The following PRKN variants were observed in gnomAD, a reference collection of about 807,000 sequenced individuals.
PRKN encodes the protein E3 ubiquitin-protein ligase parkin.
A neutral mutation model predicts 59.5 loss-of-function variants in PRKN; 56 were observed. The observed-to-expected ratio is 0.94, with a 90% confidence interval of 0.76 to 1.18. The LOEUF (loss-of-function observed/expected upper bound fraction) is 1.18. PRKN is among the 50% of genes most tolerant of loss of function. The pLI, the probability that PRKN is intolerant of heterozygous loss-of-function variation, is 0.00. For synonymous variants in PRKN, 250 were observed against 222.1 expected (o/e 1.13, Z -1.12); for missense variants, 657 against 596.4 (o/e 1.10, Z -1.06).
At chr6:162,239,662 T>A (rs1197721179) in intron 3 of PRKN, among the ~76,000 whole-genome samples, 1 of 151,864 alleles carries the variant, frequency 6.6e-6, no homozygotes, top group African/African-American at 2.4e-5. Flanking sequence ...ATGTTCAGCG[T>A]AAGAGCAAAA....
At chr6:161,629,284 T>G (rs528604679) in intron 7 of PRKN, among the ~76,000 whole-genome samples, 37 of 152,178 alleles carry the variant, frequency 2.4e-4, no homozygotes, top group African/African-American at 8.4e-4. Flanking sequence ...AGGAGAAGTT[T>G]AGGGCAACGC....
intron 6 of PRKN, among the ~76,000 whole-genome samples, chr6:161,833,024 A>G (rs1050735308): frequency 3.3e-5 from 5 of 152,162 alleles, no homozygotes; most frequent in Non-Finnish European, 7.3e-5. Context: ...GTCAATAGGA[A>G]GCCTCATGAG....
rs544966995 is a variant in PRKN at position 162,238,332 on chromosome 6, C to A, written c.412+24193G>T. Among the ~76,000 whole-genome samples, 8 of 152,260 alleles carry A rather than the reference C, an allele frequency of 5.3e-5. 1 individual carries two copies. The East Asian group carries it at 1.5e-3, about 29-fold the overall frequency. Reference sequence around the variant, plus strand: ...GGCTACACCGTACAGCCCAGGTGTGCAGTAGGCTATACCATCTAGATTTGT... The same window carrying A: ...GGCTACACCGTACAGCCCAGGTGTGAAGTAGGCTATACCATCTAGATTTGT... On this transcript the variant is annotated intron_variant, in intron 3 of 11. Coordinates refer to ENST00000366898, the MANE Select transcript of PRKN (RefSeq NM_004562.3).
chr6:162,549,113 T>C (rs1779234217), intron 1 of PRKN, among the ~76,000 whole-genome samples: 1 of 152,032 alleles, frequency 6.6e-6, no homozygotes, highest in Non-Finnish European at 1.5e-5. Context: ...GGTAGAACCC[T>C]CATGAGTGGG....
intron 5 of PRKN, among the ~76,000 whole-genome samples, chr6:162,031,047 A>G (rs1299578995): frequency 1.3e-5 from 2 of 152,154 alleles, no homozygotes; most frequent in Non-Finnish European, 2.9e-5. Flanking sequence ...TGAGAGAGGA[A>G]GAAGTTGACA....
intron 2 of PRKN, among the ~76,000 whole-genome samples, chr6:162,390,396 TACACACAC>T (rs1554312764): frequency 4.2e-4 from 35 of 84,116 alleles, no homozygotes; most frequent in African/African-American, 1.1e-3. Context: ...TATATATATA[TACACACAC>T]ACACACACAC....
At chr6:162,123,942 G>C (rs763712322) in intron 4 of PRKN, among the ~76,000 whole-genome samples, 7 of 152,044 alleles carry the variant, frequency 4.6e-5, no homozygotes, top group Non-Finnish European at 1.0e-4. Context: ...AGGGAGACTG[G>C]AAAACAAGAG....
intron 7 of PRKN, among the ~76,000 whole-genome samples, chr6:161,731,928 A>G (rs1223802933): frequency 6.6e-6 from 1 of 152,034 alleles, no homozygotes; most frequent in Non-Finnish European, 1.5e-5. Flanking sequence ...TAGCCATTAC[A>G]TTTACTTTTT....
intron 6 of PRKN, among the ~76,000 whole-genome samples, chr6:161,896,902 CATT>C (rs1446261671): frequency 2.0e-5 from 3 of 152,156 alleles, no homozygotes; most frequent in Non-Finnish European, 4.4e-5. Context: ...GAAAACCCGT[CATT>C]GTTGTAGAAA....
chr6:162,010,437 T>TATATAAATAATATAC (rs2128267972), intron 5 of PRKN, among the ~76,000 whole-genome samples: 1 of 78,120 alleles, frequency 1.3e-5, no homozygotes, highest in African/African-American at 6.2e-5. Flanking sequence ...TAATATGTAA[T>TATATAAATAATATAC]ATTTATGATA....
chr6:161,682,829 G>A (rs1785419120), intron 7 of PRKN, among the ~76,000 whole-genome samples: 1 of 152,138 alleles, frequency 6.6e-6, no homozygotes, highest in Admixed American at 6.5e-5. Context: ...CACAGTAGAG[G>A]GTGAGCAGAT....
intron 7 of PRKN, among the ~76,000 whole-genome samples, chr6:161,757,255 T>A (rs147898858): frequency 1.3e-5 from 2 of 152,310 alleles, no homozygotes; most frequent in East Asian, 3.9e-4. Flanking sequence ...AATTAAAAAC[T>A]TCTGCTCTTT....
chr6:161,830,243 TTTTTTTG>T (rs1252908274), intron 6 of PRKN, among the ~76,000 whole-genome samples: 4 of 150,064 alleles, frequency 2.7e-5, no homozygotes, highest in African/African-American at 7.5e-5. Context: ...TTACCTTTGT[TTTTTTTG>T]TTTTTTGTTT....
chr6:162,715,375 A>G (rs1048768296), intron 1 of PRKN, among the ~76,000 whole-genome samples: 1 of 152,212 alleles, frequency 6.6e-6, no homozygotes. Flanking sequence ...AAGATACACT[A>G]TAAAGATGGA....
At position 162,488,027 on chromosome 6, in the gene PRKN, C is replaced by CTTTTTTTG. The variant is rs1562323928; in HGVS notation, c.8-44555_8-44554insCAAAAAAA. Among the ~76,000 whole-genome samples the CTTTTTTTG allele has an allele frequency of 4.6e-5, 5 of 109,772 alleles. 1 individual carries two copies. Among genetic ancestry groups the CTTTTTTTG allele is most frequent in the Non-Finnish European group, 7.6e-5 (4 of 52,428 alleles). 72.0% of individuals were successfully genotyped at this position (109,772 alleles called of 152,430 possible). A position where few individuals can be genotyped will look rare whatever the true frequency, so the allele number is the denominator to read the frequency against. On this transcript the variant is annotated intron_variant, in intron 1 of 11. Transcript: ENST00000366898. Reference sequence around the variant, plus strand: ...AACAGACACTACATCCACCATTTCCCTTTTTTTTTTTTTTTTTTTTTTTTT... The same window carrying CTTTTTTTG: ...AACAGACACTACATCCACCATTTCCCTTTTTTTGTTTTTTTTTTTTTTTTTTTTTTTTT...
At chr6:161,542,532 G>C (rs923996281) in intron 9 of PRKN, among the ~76,000 whole-genome samples, 10 of 152,174 alleles carry the variant, frequency 6.6e-5, no homozygotes, top group Non-Finnish European at 1.5e-5. Context: ...TGTCTCACAG[G>C]CAGAAAGTCT....
rs57908717 is a variant in PRKN at position 161,550,738 on chromosome 6, C to CGTGTGTGTGTGTGTGTGTGTGT, written c.934-1757_934-1736dup. Among the ~76,000 whole-genome samples the CGTGTGTGTGTGTGTGTGTGTGT allele has an allele frequency of 1.2e-4, 17 of 146,192 alleles. No homozygotes were observed. The highest frequency in any genetic ancestry group is 2.1e-4 in the Non-Finnish European group (14 of 66,762). On this transcript the variant is annotated intron_variant, in intron 8 of 11. Transcript: ENST00000366898. The surrounding 1 kb of genome is among the most constrained non-coding windows in gnomAD (Gnocchi z 4.0). Reference sequence around the variant, plus strand: ...AAGAAAGGGTATGTGTGTGTGTGCACGTGTGTGTGTGTGTGTGTGTGTGTA... The same window carrying CGTGTGTGTGTGTGTGTGTGTGT: ...AAGAAAGGGTATGTGTGTGTGTGCACGTGTGTGTGTGTGTGTGTGTGTGTGTGTGTGTGTGTGTGTGTGTGTA...
At chr6:162,415,000 A>G (rs1296686386) in intron 2 of PRKN, among the ~76,000 whole-genome samples, 5 of 152,126 alleles carry the variant, frequency 3.3e-5, no homozygotes, top group Admixed American at 2.0e-4. Context: ...ATGCTAAGGA[A>G]CAGTTAAAAT....
At chr6:161,618,460 C>T (rs1340901721) in intron 7 of PRKN, among the ~76,000 whole-genome samples, 1 of 152,058 alleles carries the variant, frequency 6.6e-6, no homozygotes. Context: ...AAATTTTTCC[C>T]CAGCTTTTCC....
Sources: gnomAD v4.1 joint callset for allele counts (sites outside exome capture counted in the v4.1 genomes callset) on GRCh38, gnomAD v4.1.1 for gene constraint, Gnocchi (gnomAD v3.1) non-coding constraint, MANE v1.5 for transcripts, NCBI Gene and HGNC (gene_info 2026-07-23, HGNC 2026-07-21) for gene names.